Variants in MTA3 observed in about 807,000 individuals in gnomAD.
MTA3 encodes the protein metastasis-associated protein MTA3.
A neutral mutation model predicts 83.5 loss-of-function variants in MTA3; 34 were observed. That is an observed-to-expected ratio of 0.41 (90% CI 0.31 to 0.54). MTA3 has a LOEUF of 0.54. Among genes scored for constraint, MTA3 ranks in the 20% least tolerant of loss-of-function variants. MTA3 has a pLI of 0.33. For synonymous variants in MTA3, 303 were observed against 252.7 expected (o/e 1.20, Z -1.89); for missense variants, 761 against 726.4 (o/e 1.05, Z -0.55).
intron 2 of MTA3, among the ~76,000 whole-genome samples, chr2:42,513,128 T>C (rs1674977825): frequency 6.6e-6 from 1 of 152,254 alleles, no homozygotes; most frequent in South Asian, 2.1e-4. Context: ...TACGAGAGGC[T>C]AGTGTTTCTG....
At chr2:42,661,088 A>C (rs1350186703) in intron 8 of MTA3, among the ~76,000 whole-genome samples, 1 of 152,218 alleles carries the variant, frequency 6.6e-6, no homozygotes, top group Non-Finnish European at 1.5e-5. Flanking sequence ...TTGTTCATAG[A>C]AGAAAGTTTT....
At chr2:42,585,277 G>A (rs1293507976) in intron 3 of MTA3, among the ~76,000 whole-genome samples, 5 of 151,448 alleles carry the variant, frequency 3.3e-5, no homozygotes, top group South Asian at 2.1e-4. Flanking sequence ...TAGTAGAGAC[G>A]GGGTTTCTCC....
rs909939024 is a variant in MTA3 at position 42,755,056 on chromosome 2, G to T, written c.*1657G>T. 53 of 985,518 alleles carry T rather than the reference G, an allele frequency of 5.4e-5. No individual in the cohort carries two copies. Among genetic ancestry groups the T allele is most frequent in the Non-Finnish European group, 6.0e-5 (50 of 830,128 alleles). The allele number at this position is 985,518 out of a possible 1,614,324, so 61.0% of individuals were successfully genotyped here. A position where few individuals can be genotyped will look rare whatever the true frequency, so the allele number is the denominator to read the frequency against. The stretch of plus-strand genomic sequence containing the variant: ...CTGTGTCAGAAGCATTTGGTGAGAG[G>T]GGTGGAGGTGGCAGGCAGGGGTTCT... On this transcript the variant is annotated 3_prime_UTR_variant, in exon 17 of 17. Coordinates refer to ENST00000405094, the MANE Select transcript of MTA3 (RefSeq NM_001330442.2).
At chr2:42,548,831 TATATATATATATATAATATATATATATA>T (rs1184930540) in intron 2 of MTA3, among the ~76,000 whole-genome samples, 101 of 8,536 alleles carry the variant, frequency 0.012, 5 homozygotes, top group East Asian at 0.082. Flanking sequence ...ATATATATAA[TATATATATATATATAATATATATATATA>T]ATATATATAT....
At chr2:42,516,097 A>G (rs1675134250) in intron 2 of MTA3, among the ~76,000 whole-genome samples, 1 of 151,622 alleles carries the variant, frequency 6.6e-6, no homozygotes, top group African/African-American at 2.4e-5. Flanking sequence ...TTGTATTTTT[A>G]GTAGAGACAG....
chr2:42,602,276 C>G (rs1682674577), intron 3 of MTA3, among the ~76,000 whole-genome samples: 1 of 152,188 alleles, frequency 6.6e-6, no homozygotes, highest in African/African-American at 2.4e-5. Context: ...CATACCCAGC[C>G]TTAGTTGTTG....
At chr2:42,708,551 C>A (rs1368799237) in intron 13 of MTA3, among the ~76,000 whole-genome samples, 1 of 152,066 alleles carries the variant, frequency 6.6e-6, no homozygotes, top group Non-Finnish European at 1.5e-5. Flanking sequence ...TACCCTTTTT[C>A]AGTGCTGACG....
At chr2:42,597,375 CTTTTT>C (rs35943826) in intron 3 of MTA3, among the ~76,000 whole-genome samples, 9 of 108,434 alleles carry the variant, frequency 8.3e-5, no homozygotes, top group African/African-American at 1.1e-4. Flanking sequence ...GACAAGTTAT[CTTTTT>C]TTTTTTTTTT....
At chr2:42,611,603 GC>G (rs1337026075) in intron 4 of MTA3, among the ~76,000 whole-genome samples, 18 of 152,060 alleles carry the variant, frequency 1.2e-4, no homozygotes, top group African/African-American at 4.3e-4. Context: ...ATTGCATGAT[GC>G]CAGTAGTTTG....
At chr2:42,723,182 C>A (rs1183796664) in intron 16 of MTA3, 147 bp downstream of exon 16, 2 of 956,104 alleles carry the variant, frequency 2.1e-6, no homozygotes, top group Non-Finnish European at 3.0e-6. Context: ...GGGAATACAG[C>A]CATATGCCAC....
At chr2:42,536,943 G>A (rs1558421178) in intron 2 of MTA3, among the ~76,000 whole-genome samples, 1 of 151,742 alleles carries the variant, frequency 6.6e-6, no homozygotes, top group Non-Finnish European at 1.5e-5. Flanking sequence ...GATCACCTGG[G>A]TGTAAGGAAA....
chr2:42,522,806 CTTTTT>C (rs1173170546), intron 2 of MTA3, among the ~76,000 whole-genome samples: 1 of 116,170 alleles, frequency 8.6e-6, no homozygotes. Context: ...AACATGTGGT[CTTTTT>C]TTTTTTTTTT....
At chr2:42,600,131 G>T (rs1212816346) in intron 3 of MTA3, among the ~76,000 whole-genome samples, 2 of 152,146 alleles carry the variant, frequency 1.3e-5, no homozygotes, top group Non-Finnish European at 2.9e-5. Flanking sequence ...CCAGGAGGCA[G>T]AGGTTGTAGT....
In MTA3 at chr2:42,721,716, C is replaced by T. The variant is rs372134548; in HGVS notation, c.1613-1173C>T. 3.2e-4 allele frequency among the ~76,000 whole-genome samples: 49 copies of T among 152,160 alleles called. 1 individual carries two copies. In the South Asian group the frequency reaches 5.2e-3, roughly 16 times the overall value. On this transcript the variant is annotated intron_variant, in intron 15 of 16. Coordinates refer to ENST00000405094, the MANE Select transcript of MTA3 (RefSeq NM_001330442.2). ...TCAGCCTTAAAAGATATTTAGGATT[C>T]GAATAGGTAGAAAAATAGGAAAAGC...
intron 8 of MTA3, among the ~76,000 whole-genome samples, chr2:42,669,147 A>G (rs113431167): frequency 0.016 from 2,139 of 137,626 alleles, 55 homozygotes; most frequent in African/African-American, 0.055. Flanking sequence ...TGCAGTGGTT[A>G]GTTCTTGGCT....
intron 11 of MTA3, among the ~76,000 whole-genome samples, chr2:42,701,393 C>T (rs1418895349): frequency 2.8e-5 from 4 of 140,700 alleles, no homozygotes; most frequent in African/African-American, 1.1e-4. Context: ...TCAAGACCAG[C>T]CTGGGTAACA....
At chr2:42,736,289 A>T (rs1668609623) in intron 16 of MTA3, among the ~76,000 whole-genome samples, 1 of 152,172 alleles carries the variant, frequency 6.6e-6, no homozygotes, top group Admixed American at 6.5e-5. Context: ...ACAAATGGAC[A>T]CTATGTCTCT....
chr2:42,572,522 C>T (rs1259379637), intron 2 of MTA3, among the ~76,000 whole-genome samples: 1 of 151,920 alleles, frequency 6.6e-6, no homozygotes, highest in African/African-American at 2.4e-5. Context: ...CTGCCGTGAG[C>T]TGTGATTGCA....
intron 2 of MTA3, among the ~76,000 whole-genome samples, chr2:42,518,253 A>G (rs930516984): frequency 1.4e-4 from 21 of 152,320 alleles, no homozygotes; most frequent in Admixed American, 7.2e-4. Context: ...CTTTAATACA[A>G]TTCTCCAATA....
Sources: allele counts gnomAD v4.1 joint callset (sites outside exome capture counted in the v4.1 genomes callset), GRCh38; gene constraint gnomAD v4.1.1; transcripts MANE v1.5; gene names NCBI Gene and HGNC (gene_info 2026-07-23, HGNC 2026-07-21).